IMMP2L: variants seen among roughly 807,000 people sequenced by gnomAD.
IMMP2L encodes the protein inner mitochondrial membrane peptidase subunit 2.
In IMMP2L, 18 loss-of-function variants were observed where a neutral mutation model predicts 19.3. The observed-to-expected ratio is 0.93, with a 90% CI of 0.64 to 1.38. IMMP2L has a LOEUF of 1.38. Among genes scored for constraint, IMMP2L ranks in the 40% most tolerant of loss-of-function variants. The pLI, the probability that IMMP2L is intolerant of heterozygous loss-of-function variation, is 0.00. For missense variants in IMMP2L, 233 were observed against 218.2 expected (o/e 1.07, Z -0.43); for synonymous variants, 76 against 73.0 (o/e 1.04, Z -0.21).
intron 3 of IMMP2L, among the ~76,000 whole-genome samples, chr7:111,201,591 C>T (rs981037048): frequency 6.6e-6 from 1 of 151,934 alleles, no homozygotes; most frequent in Non-Finnish European, 1.5e-5. Flanking sequence ...GTGGCATGTA[C>T]CTATAGTCCC....
chr7:111,308,600 C>G (rs1040851895), intron 3 of IMMP2L, among the ~76,000 whole-genome samples: 1 of 151,828 alleles, frequency 6.6e-6, no homozygotes, highest in Admixed American at 6.6e-5. Flanking sequence ...CTGACTCTTT[C>G]TGGCCAATCT....
intron 5 of IMMP2L, among the ~76,000 whole-genome samples, chr7:110,707,049 C>T (rs1794749878): frequency 9.4e-6 from 1 of 106,066 alleles, no homozygotes; most frequent in African/African-American, 3.7e-5. Context: ...TACATGTGCA[C>T]ATTGTGCAGG....
chr7:111,522,076 G>A (rs1308215944), intron 1 of IMMP2L, among the ~76,000 whole-genome samples: 1 of 152,046 alleles, frequency 6.6e-6, no homozygotes, highest in Non-Finnish European at 1.5e-5. Flanking sequence ...GCAACAAAAT[G>A]GAACGATCCT....
chr7:110,692,308 T>C (rs960575721), intron 5 of IMMP2L, among the ~76,000 whole-genome samples: 14 of 152,066 alleles, frequency 9.2e-5, no homozygotes, highest in Admixed American at 6.6e-4. Flanking sequence ...TGCAAAGGCA[T>C]ATAGAGTGGT....
chr7:111,161,879 C>T (rs1363543809), intron 3 of IMMP2L, among the ~76,000 whole-genome samples: 1 of 151,868 alleles, frequency 6.6e-6, no homozygotes, highest in Admixed American at 6.6e-5. Flanking sequence ...TTTAAGACAA[C>T]CTGACAAACT....
At chr7:111,268,569 C>CTTTTTTTTTTTTTTTTTTTTTTTTTTTTT (rs762576425) in intron 3 of IMMP2L, among the ~76,000 whole-genome samples, 4 of 44,592 alleles carry the variant, frequency 9.0e-5, no homozygotes, top group East Asian at 7.6e-4. Context: ...TCACATTTCT[C>CTTTTTTTTTTTTTTTTTTTTTTTTTTTTT]TTTTTTTTTT....
chr7:111,374,612 G>C (rs988828640), intron 3 of IMMP2L, among the ~76,000 whole-genome samples: 2 of 152,072 alleles, frequency 1.3e-5, no homozygotes, highest in African/African-American at 2.4e-5. Context: ...AGGGGAAAAA[G>C]CCATATAGCT....
chr7:111,364,843 C>A (rs907976158), intron 3 of IMMP2L, among the ~76,000 whole-genome samples: 3 of 150,836 alleles, frequency 2.0e-5, no homozygotes, highest in Non-Finnish European at 4.4e-5. Context: ...TGGTGGCAGG[C>A]GCTGTAATCC....
intron 3 of IMMP2L, among the ~76,000 whole-genome samples, chr7:111,344,941 C>T (rs975986720): frequency 6.6e-6 from 1 of 152,028 alleles, no homozygotes; most frequent in African/African-American, 2.4e-5. Flanking sequence ...AGTGATAAAT[C>T]TCTGGAGGAG....
chr7:110,928,391 A>T, intron 4 of IMMP2L, among the ~76,000 whole-genome samples: 1 of 148,226 alleles, frequency 6.7e-6, no homozygotes. Context: ...ACACACACAC[A>T]CACACACACA....
chr7:110,958,905 A>T (rs1818647150), intron 4 of IMMP2L, among the ~76,000 whole-genome samples: 1 of 152,030 alleles, frequency 6.6e-6, no homozygotes, highest in East Asian at 1.9e-4. Flanking sequence ...AAGTGACAGA[A>T]AATGGAAGTC....
intron 3 of IMMP2L, among the ~76,000 whole-genome samples, chr7:111,075,318 G>A (rs1795308733): frequency 6.6e-6 from 1 of 151,824 alleles, no homozygotes; most frequent in African/African-American, 2.4e-5. Flanking sequence ...AGTAGAGATG[G>A]GGTTTCACCA....
intron 5 of IMMP2L, among the ~76,000 whole-genome samples, chr7:110,826,954 G>A (rs1190020882): frequency 2.6e-5 from 4 of 151,870 alleles, no homozygotes; most frequent in Non-Finnish European, 5.9e-5. Flanking sequence ...GACAGTATAT[G>A]ATGGGGATGA....
In IMMP2L at chr7:110,833,736, G is replaced by C. The variant is rs115996469; in HGVS notation, c.408+52857C>G. On this transcript the variant is annotated intron_variant, in intron 5 of 5. Coordinates refer to ENST00000405709, the MANE Select transcript of IMMP2L (RefSeq NM_032549.4). ...GACAAATTCAGGATAAATTTCCCCTGTATTTCAATGGTAACTCAGCTGTCT... is the reference window on the plus strand; with the variant it reads ...GACAAATTCAGGATAAATTTCCCCTCTATTTCAATGGTAACTCAGCTGTCT... Among the ~76,000 whole-genome samples, 706 of 152,222 alleles carry C rather than the reference G, an allele frequency of 4.6e-3. 3 individuals are homozygous for C. The highest frequency in any genetic ancestry group is 0.016 in the African/African-American group (668 of 41,544).
intron 3 of IMMP2L, among the ~76,000 whole-genome samples, chr7:111,390,994 C>G (rs1366661999): frequency 6.6e-6 from 1 of 152,084 alleles, no homozygotes; most frequent in African/African-American, 2.4e-5. Flanking sequence ...ATTCAACTAA[C>G]ATAAAACACC....
chr7:111,206,396 A>C (rs1296083794), intron 3 of IMMP2L, among the ~76,000 whole-genome samples: 1 of 152,216 alleles, frequency 6.6e-6, no homozygotes, highest in Non-Finnish European at 1.5e-5. Context: ...CCTTTCAATT[A>C]GTTCCCCCAA....
intron 5 of IMMP2L, among the ~76,000 whole-genome samples, chr7:110,678,146 T>C (rs914632254): frequency 6.6e-6 from 1 of 152,042 alleles, no homozygotes; most frequent in African/African-American, 2.4e-5. Context: ...GTTCCAAAAA[T>C]ATGAAGTTTT....
At chr7:111,121,173 C>T (rs1227280902) in intron 3 of IMMP2L, among the ~76,000 whole-genome samples, 5 of 152,208 alleles carry the variant, frequency 3.3e-5, no homozygotes, top group Non-Finnish European at 7.3e-5. Context: ...TTATCAAGGA[C>T]ATATCCTTCG....
chr7:111,368,621 C>A (rs891553599), intron 3 of IMMP2L, among the ~76,000 whole-genome samples: 3 of 151,914 alleles, frequency 2.0e-5, no homozygotes, highest in African/African-American at 7.3e-5. Context: ...ATCCTGTGAG[C>A]TTTTCCCATC....
Sources: allele counts gnomAD v4.1 joint callset (sites outside exome capture counted in the v4.1 genomes callset), GRCh38; gene constraint gnomAD v4.1.1; transcripts MANE v1.5; gene names NCBI Gene and HGNC (gene_info 2026-07-23, HGNC 2026-07-21).